Variants in PCNT observed in about 807,000 individuals in gnomAD.
The protein encoded by PCNT is kendrin.
PCNT carries 319 observed loss-of-function variants against 380.4 expected under a neutral mutation model. The observed-to-expected ratio is 0.84, with a 90% confidence interval of 0.77 to 0.92. The LOEUF is 0.92. PCNT is among the 40% of genes least tolerant of loss of function. The pLI, the probability that PCNT is intolerant of heterozygous loss-of-function variation, is 0.00. For missense variants in PCNT, 4,400 were observed against 4,255.3 expected (o/e 1.03, Z -0.95); for synonymous variants, 1,845 against 1,735.2 (o/e 1.06, Z -1.57).
At chr21:46,385,707 A>T in intron 16 of PCNT, 125 bp from the exon 17 acceptor site, 1 of 1,044,656 alleles carries the variant, frequency 9.6e-7, no homozygotes, top group Non-Finnish European at 1.5e-6. Context: ...CTTTTGCCCC[A>T]TCACCAAGCT....
rs1555938906 is a variant in PCNT at position 46,324,568 on chromosome 21, G to GT, written c.54+286_54+287insT. ...GGGCGGGGCTGCGCCTGCGTCGGGG[G>GT]GGGTGGGGCGCGGGCTGGGCGCGGT... is the stretch of plus-strand genomic sequence containing the variant. On this transcript the variant is annotated intron_variant, in intron 1 of 46. Transcript: ENST00000359568. Among the ~76,000 whole-genome samples the GT allele has an allele frequency of 0.16, 23,188 of 148,690 alleles. 3,087 individuals are homozygous for GT. The highest frequency in any genetic ancestry group is 0.36 in the African/African-American group (14,840 of 41,028).
intron 24 of PCNT, among the ~76,000 whole-genome samples, chr21:46,398,820 C>CTTTTTT (rs11331073): frequency 4.8e-4 from 55 of 114,482 alleles, no homozygotes; most frequent in Non-Finnish European, 5.9e-4. Context: ...TTTTCTTTTT[C>CTTTTTT]TTTTTTTTTT....
At chr21:46,325,120 T>C in intron 1 of PCNT, 1 of 985,452 alleles carries the variant, frequency 1.0e-6, no homozygotes. Context: ...TTCGTGGGAA[T>C]AAAGCGCGCA....
intron 33 of PCNT, 119 bp downstream of exon 33, chr21:46,426,090 T>TTC: frequency 1.9e-6 from 2 of 1,043,640 alleles, no homozygotes; most frequent in Non-Finnish European, 2.6e-6. Flanking sequence ...TTTTTTTTTT[T>TTC]TTTTTTGAGA....
intron 27 of PCNT, among the ~76,000 whole-genome samples, chr21:46,403,869 C>T (rs11701561): frequency 0.45 from 35,979 of 80,738 alleles, 10,358 homozygotes; most frequent in Middle Eastern, 0.6. Flanking sequence ...GGTGCCCACG[C>T]GGCGTGTGCT....
At position 46,356,957 on chromosome 21, in the gene PCNT, G is replaced by A; in HGVS notation, c.1937-17G>A. 6.2e-7 allele frequency: 1 copy of A among 1,611,942 alleles called. No homozygotes were observed. The highest frequency in any genetic ancestry group is 8.5e-7 in the Non-Finnish European group (1 of 1,178,626). ...CGGCACCGGCCTGACTGTCTTCCCT[G>A]CTCCTTTTCCACACAGAGCTTCCCT... On this transcript the variant is annotated splice_polypyrimidine_tract_variant and intron_variant, in intron 12 of 46. Transcript: ENST00000359568.
chr21:46,398,382 C>G, intron 24 of PCNT, 127 bp downstream of exon 24: 3 of 985,796 alleles, frequency 3.0e-6, no homozygotes, highest in Admixed American at 4.1e-5. Flanking sequence ...TCTGCTTTCT[C>G]TTGTCTGAGG....
Position 46,351,468 on chromosome 21 carries a change from C to G in PCNT, c.1384C>G (p.Gln462Glu). The G allele has an allele frequency of 6.2e-7, 1 of 1,613,160 alleles. No individual in the cohort carries two copies. Among genetic ancestry groups the G allele is most frequent in the African/African-American group, 1.3e-5 (1 of 74,996 alleles). The change falls in exon 9 of 47, where the codon CAA becomes GAA. Residue 462 changes from glutamine (Q) to glutamate (E), a missense_variant. Coordinates refer to ENST00000359568, the MANE Select transcript of PCNT (RefSeq NM_006031.6). ...LQASYEDLKA[Q>E]SQEEIRRLWS... The stretch of plus-strand genomic sequence containing the variant: ...AGCATCATATGAAGACCTGAAGGCA[C>G]AATCACAAGAAGAGATCAGGCGCTT...
chr21:46,428,256 G>T, intron 34 of PCNT, 139 bp from the exon 35 acceptor site: 2 of 801,454 alleles, frequency 2.5e-6, no homozygotes, highest in Non-Finnish European at 4.3e-6. Flanking sequence ...CAGAGCTGAG[G>T]CCCAGCAGAT....
chr21:46,324,686 A>G (rs1269890612), intron 1 of PCNT, among the ~76,000 whole-genome samples: 2 of 151,626 alleles, frequency 1.3e-5, no homozygotes, highest in South Asian at 2.1e-4. Context: ...GCTGGACCCC[A>G]GGCTGGATCT....
chr21:46,394,248 G>A (rs796912378), intron 21 of PCNT, among the ~76,000 whole-genome samples: 18 of 152,308 alleles, frequency 1.2e-4, no homozygotes, highest in Admixed American at 3.9e-4. Flanking sequence ...CGCCCCCTTC[G>A]CTGTGTGGTG....
chr21:46,330,896 T>C (rs930080131), intron 2 of PCNT, among the ~76,000 whole-genome samples: 2 of 152,248 alleles, frequency 1.3e-5, no homozygotes, highest in Non-Finnish European at 2.9e-5. Context: ...CTTTATGTTA[T>C]AGTTGTACCA....
intron 21 of PCNT, among the ~76,000 whole-genome samples, chr21:46,393,454 G>A (rs1013140962): frequency 1.3e-5 from 2 of 152,076 alleles, no homozygotes; most frequent in African/African-American, 4.8e-5. Flanking sequence ...CTGTCCGGGG[G>A]CAGCCTCATG....
At position 46,334,446 on chromosome 21, in the gene PCNT, A is replaced by G; in HGVS notation, c.317A>G (p.Gln106Arg). ...AGAGAGGACTTGGAACAGCTGCAGC[A>G]GAAGCAAGTCAATGACCATCCTCCA... ...EKREDLEQLQ[Q>R]KQVNDHPPEQ... The change falls in exon 3 of 47, where the codon CAG becomes CGG. Residue 106 changes from glutamine to arginine, a missense_variant. By Grantham distance (43) the Gln-to-Arg change is conservative. Transcript: ENST00000359568. 1 of 1,614,248 alleles carries G rather than the reference A, an allele frequency of 6.2e-7. No individual in the cohort carries two copies. Among genetic ancestry groups the G allele is most frequent in the Admixed American group, 1.7e-5 (1 of 60,028 alleles).
At chr21:46,366,257 G>A (rs1167796887) in intron 14 of PCNT, among the ~76,000 whole-genome samples, 1 of 152,176 alleles carries the variant, frequency 6.6e-6, no homozygotes, top group Non-Finnish European at 1.5e-5. Flanking sequence ...TAGGAGGTTG[G>A]TTGTGCCTGC....
rs1293282272 is a variant in PCNT at position 46,440,164 on chromosome 21, C to T, written c.9355C>T (p.Pro3119Ser). The change falls in exon 42 of 47, where the codon CCA (proline) becomes TCA (serine). Residue 3119 changes from proline to serine, a missense_variant. By Grantham distance (74) the Pro-to-Ser change is moderately conservative (BLOSUM62 -1). Coordinates refer to ENST00000359568, the MANE Select transcript of PCNT (RefSeq NM_006031.6). ...GCGCCCAGACCCCGGCCGGCTTCCA[C>T]CAGCTGCCAGCGAGGAAGCACACAC... ...LRRPDPGRLPPAASEEAHTSN... is the reference protein window; with the variant it reads ...LRRPDPGRLPSAASEEAHTSN... 16 of 1,614,150 alleles carry T rather than the reference C, an allele frequency of 9.9e-6. No homozygotes were observed. The highest frequency in any genetic ancestry group is 1.4e-5 in the Non-Finnish European group (16 of 1,180,032).
Position 46,377,609 on chromosome 21 carries a change from A to G in PCNT, c.3166-4085A>G, listed in dbSNP as rs975978492. 3.9e-5 allele frequency among the ~76,000 whole-genome samples: 6 copies of G among 152,242 alleles called. No homozygotes were observed. In the South Asian group the frequency reaches 1.0e-3, roughly 26 times the overall value. On this transcript the variant is annotated intron_variant, in intron 15 of 46. Coordinates refer to ENST00000359568, the MANE Select transcript of PCNT (RefSeq NM_006031.6). Reference sequence around the variant, plus strand: ...GAAACCCCCAGTGGCTCGTGCCTATAGTCCCAGCACCTTGGGAGGCTGAGG... The same window carrying G: ...GAAACCCCCAGTGGCTCGTGCCTATGGTCCCAGCACCTTGGGAGGCTGAGG...
chr21:46,436,988 T>G lies in PCNT; in HGVS notation c.9006T>G (p.Asn3002Lys). 1 of 1,613,326 alleles carries G rather than the reference T, an allele frequency of 6.2e-7. No individual in the cohort carries two copies. Among genetic ancestry groups the G allele is most frequent in the South Asian group, 1.1e-5 (1 of 91,070 alleles). ...FTSQAVDRTV[N>K]DWTSSNEKAV... ...CCATTTATTTTTACAGGACAGTTAATGATTGGACGTCATCCAATGAGAAAG... is the reference window on the plus strand; with the variant it reads ...CCATTTATTTTTACAGGACAGTTAAGGATTGGACGTCATCCAATGAGAAAG... The change falls in exon 40 of 47, where the codon AAT (asparagine) becomes AAG (lysine). Residue 3002 changes from asparagine to lysine, a missense_variant. Transcript: ENST00000359568.
chr21:46,441,899 G>A (rs1010079902), intron 43 of PCNT, among the ~76,000 whole-genome samples: 5 of 152,156 alleles, frequency 3.3e-5, no homozygotes, highest in African/African-American at 1.2e-4. Flanking sequence ...CAGGTCTTAT[G>A]GAGGAATCGG....
Sources: allele counts gnomAD v4.1 joint callset (sites outside exome capture counted in the v4.1 genomes callset), GRCh38; gene constraint gnomAD v4.1.1; transcripts MANE v1.5; gene names NCBI Gene and HGNC (gene_info 2026-07-23, HGNC 2026-07-21).